KIF20B: variants seen among roughly 807,000 people sequenced by gnomAD.
KIF20B encodes the protein kinesin-like protein KIF20B.
KIF20B carries 188 observed loss-of-function variants against 232.5 expected under a neutral mutation model. That is an observed-to-expected ratio of 0.81 (90% CI 0.72 to 0.91). KIF20B has a LOEUF of 0.91. Ranked by LOEUF, KIF20B falls within the 40% of genes least tolerant of loss-of-function variation. The pLI is 0.00. For synonymous variants in KIF20B, 712 were observed against 683.0 expected (o/e 1.04, Z -0.66); for missense variants, 2,154 against 2,055.9 (o/e 1.05, Z -0.92).
At chr10:89,717,379 C>A in intron 9 of KIF20B, 45 bp from the exon 10 acceptor site, 1 of 1,225,792 alleles carries the variant, frequency 8.2e-7, no homozygotes, top group Non-Finnish European at 1.2e-6. Flanking sequence ...ATTTAGAATG[C>A]AGAAATTAAA....
Position 89,743,882 on chromosome 10 carries a change from T to C in KIF20B, c.3990T>C (p.Cys1330=). 6.3e-7 allele frequency: 1 copy of C among 1,590,986 alleles called. No individual in the cohort carries two copies. The highest frequency in any genetic ancestry group is 8.5e-7 in the Non-Finnish European group (1 of 1,170,772). The change falls in exon 22 of 33, where the codon TGT becomes TGC. Residue 1330 remains cysteine (C), a synonymous_variant. Transcript: ENST00000371728. Reference sequence around the variant, plus strand: ...AACTGGAGAAAAAGAAAAACCAGTGTTCTCAGGAATTAGATATGAAACAGC... The same window carrying C: ...AACTGGAGAAAAAGAAAAACCAGTGCTCTCAGGAATTAGATATGAAACAGC... ...INELEKKKNQ[C]SQELDMKQRT...
intron 29 of KIF20B, among the ~76,000 whole-genome samples, chr10:89,763,631 A>C (rs920786321): frequency 5.9e-5 from 9 of 152,058 alleles, no homozygotes; most frequent in Non-Finnish European, 1.3e-4. Context: ...TGGTAGGCTA[A>C]AAGCTATTAA....
rs1348978334 is a variant in KIF20B, at chr10:89,734,790, A to G, written c.2545+1734A>G. On this transcript the variant is annotated intron_variant, in intron 19 of 32. Coordinates refer to ENST00000371728, the MANE Select transcript of KIF20B (RefSeq NM_001284259.2). ...GAATTTCATAACTACAAGAGGTTTG[A>G]CGTTTGGCTCTTAAGGAACAATTAC... Among the ~76,000 whole-genome samples the G allele has an allele frequency of 2.0e-5, 3 of 152,208 alleles. No individual in the cohort carries two copies. In the East Asian group the frequency reaches 5.8e-4, roughly 29 times the overall value.
intron 18 of KIF20B, among the ~76,000 whole-genome samples, chr10:89,730,273 T>C (rs1843288637): frequency 6.6e-6 from 1 of 152,252 alleles, no homozygotes; most frequent in South Asian, 2.1e-4. Context: ...ATAAACTATT[T>C]AGTAATAATT....
Position 89,768,829 on chromosome 10 carries a change from G to A in KIF20B, c.5183G>A (p.Gly1728Glu). The A allele has an allele frequency of 4.3e-6, 7 of 1,609,438 alleles. No homozygotes were observed. The highest frequency in any genetic ancestry group is 1.7e-5 in the Admixed American group (1 of 59,438). ...GVNLATKKKE[G>E]TLQKFGDFLQ... ...AACCTGGCCACTAAGAAAAAAGAAG[G>A]AACACTACAGAAATTTGGAGACTTC... Residue 1728 changes from glycine (G) to glutamate (E), a missense_variant, in exon 31 of 33, where the codon GGA (glycine) becomes GAA (glutamate). Transcript: ENST00000371728.
intron 21 of KIF20B, among the ~76,000 whole-genome samples, 200 bp from the exon 22 acceptor site, chr10:89,743,608 T>C (rs1334131021): frequency 6.6e-6 from 1 of 152,220 alleles, no homozygotes; most frequent in East Asian, 1.9e-4. Flanking sequence ...TTCATATGCA[T>C]TCTTCATTAG....
Position 89,709,953 on chromosome 10 carries a change from G to A in KIF20B, c.378G>A (p.Lys126=). 2 of 1,594,726 alleles carry A rather than the reference G, an allele frequency of 1.3e-6. No individual in the cohort carries two copies. The highest frequency in any genetic ancestry group is 2.3e-5 in the South Asian group (2 of 86,330). ...SKVFGPATTQ[K]EFFQGCIMQP... ...TTTTTGGCCCAGCAACTACACAGAA[G>A]GAATTCTTTCAGGGTTGCATTATGC... Residue 126 remains lysine (K), a synonymous_variant, in exon 5 of 33, where the codon AAG becomes AAA. Transcript: ENST00000371728.
chr10:89,770,928 G>T (rs962926537), intron 31 of KIF20B, among the ~76,000 whole-genome samples: 10 of 151,970 alleles, frequency 6.6e-5, no homozygotes, highest in Non-Finnish European at 2.9e-5. Context: ...TGAATGACCT[G>T]ATTTCTGACT....
chr10:89,724,153 T>G (rs7101125), intron 14 of KIF20B, 50 bp downstream of exon 14: 45,457 of 1,402,834 alleles, frequency 0.032, 975 homozygotes, highest in African/African-American at 0.073. Flanking sequence ...TTTATTTAGT[T>G]TTTTAGTTTT....
chr10:89,757,040 G>GTATGTATATATA (rs1554852904), intron 26 of KIF20B, among the ~76,000 whole-genome samples: 4 of 110,748 alleles, frequency 3.6e-5, no homozygotes, highest in Non-Finnish European at 5.5e-5. Context: ...GTGTGTGTGT[G>GTATGTATATATA]TATATATATA....
At chr10:89,771,228 T>C (rs1842454196) in intron 31 of KIF20B, among the ~76,000 whole-genome samples, 1 of 152,002 alleles carries the variant, frequency 6.6e-6, no homozygotes, top group Non-Finnish European at 1.5e-5. Context: ...TATTATTCAA[T>C]CCTATTTTTT....
intron 21 of KIF20B, among the ~76,000 whole-genome samples, chr10:89,741,516 A>C (rs937907713): frequency 2.0e-5 from 3 of 152,240 alleles, no homozygotes; most frequent in South Asian, 2.1e-4. Flanking sequence ...AATAATAATA[A>C]TTATAGCAAT....
intron 26 of KIF20B, among the ~76,000 whole-genome samples, chr10:89,757,067 T>C (rs61870786): frequency 0.29 from 37,921 of 131,918 alleles, 5,628 homozygotes; most frequent in African/African-American, 0.39. Context: ...TATATATATA[T>C]ATACACACAT....
chr10:89,717,046 T>A lies in KIF20B; in HGVS notation c.1053-378T>A, dbSNP rs571150147. 7.2e-5 allele frequency among the ~76,000 whole-genome samples: 11 copies of A among 152,276 alleles called. No homozygotes were observed. In the East Asian group the frequency reaches 2.1e-3, roughly 29 times the overall value. On this transcript the variant is annotated intron_variant, in intron 9 of 32. Coordinates refer to ENST00000371728, the MANE Select transcript of KIF20B (RefSeq NM_001284259.2). ...CAGTTGGGCATGGGACAATACAAGA[T>A]CCGGATCTATAGGTCAAATGTATGC...
chr10:89,712,366 G>A (rs1842850589), intron 6 of KIF20B, among the ~76,000 whole-genome samples: 1 of 151,836 alleles, frequency 6.6e-6, no homozygotes, highest in South Asian at 2.1e-4. Flanking sequence ...TGATTCTCCT[G>A]CCTCGACCTC....
At position 89,738,682 on chromosome 10, in the gene KIF20B, A is replaced by T. The variant is rs199498582; in HGVS notation, c.3776+65A>T. 2.7e-6 allele frequency: 4 copies of T among 1,469,994 alleles called. No homozygotes were observed. The East Asian group carries it at 9.4e-5, about 34-fold the overall frequency. The allele number at this position is 1,469,994 out of a possible 1,614,324, so 91.1% of individuals were successfully genotyped here. ...AGCATTCATTTTGCTATGCAGCTTT[A>T]AAAAAGTTAGATAGTCATACTTAAT... On this transcript the variant is annotated intron_variant, in intron 20 of 32. Transcript: ENST00000371728.
intron 26 of KIF20B, among the ~76,000 whole-genome samples, chr10:89,757,040 G>GTGTATATATA (rs1301847520): frequency 0.017 from 1,927 of 110,430 alleles, 34 homozygotes; most frequent in East Asian, 0.07. Context: ...GTGTGTGTGT[G>GTGTATATATA]TATATATATA....
Position 89,737,921 on chromosome 10 carries a change from A to G in KIF20B, c.3080A>G (p.Asp1027Gly). The G allele has an allele frequency of 2.5e-6, 4 of 1,613,418 alleles. No homozygotes were observed. The highest frequency in any genetic ancestry group is 3.4e-6 in the Non-Finnish European group (4 of 1,179,606). ...EEDNLPNTQL[D>G]LLGNDYLVSK... is the part of the protein sequence containing the mutation. Reference sequence around the variant, plus strand: ...GATAATTTGCCAAATACACAGTTAGACCTTTTAGGTAATGATTATTTGGTA... The same window carrying G: ...GATAATTTGCCAAATACACAGTTAGGCCTTTTAGGTAATGATTATTTGGTA... Residue 1027 changes from aspartate (D) to glycine (G), a missense_variant, in exon 20 of 33, where the codon GAC becomes GGC. By Grantham distance (94) the Asp-to-Gly change is moderately conservative. Transcript: ENST00000371728.
rs145890890 is a variant in KIF20B, at chr10:89,768,815, T to C, written c.5169T>C (p.Thr1723=). 3.6e-5 allele frequency: 58 copies of C among 1,610,102 alleles called. No individual in the cohort carries two copies. In the East Asian group the frequency reaches 1.2e-3, roughly 34 times the overall value. The change falls in exon 31 of 33, where the codon ACT becomes ACC. Residue 1723 remains threonine, a synonymous_variant. Coordinates refer to ENST00000371728, the MANE Select transcript of KIF20B (RefSeq NM_001284259.2). ...QASIIGVNLA[T]KKKEGTLQKF... is the part of the protein sequence containing the mutation. ...CCATAATTGGTGTAAACCTGGCCAC[T>C]AAGAAAAAAGAAGGAACACTACAGA...
Sources: allele counts gnomAD v4.1 joint callset (sites outside exome capture counted in the v4.1 genomes callset), GRCh38; gene constraint gnomAD v4.1.1; transcripts MANE v1.5; gene names NCBI Gene and HGNC (gene_info 2026-07-23, HGNC 2026-07-21).